CGGBP1: variants seen among roughly 807,000 people sequenced by gnomAD.
CGGBP1 encodes CGG triplet repeat-binding protein 1.
A neutral mutation model predicts 11.4 loss-of-function variants in CGGBP1; 4 were observed. That is an observed-to-expected ratio of 0.35 (90% confidence interval 0.17 to 0.80). The LOEUF (loss-of-function observed/expected upper bound fraction) is 0.80. Ranked by LOEUF, CGGBP1 falls within the 30% of genes least tolerant of loss-of-function variation. The pLI is 0.52. For missense variants in CGGBP1, 135 were observed against 202.1 expected (o/e 0.67, Z 2.01); for synonymous variants, 76 against 74.1 (o/e 1.03, Z -0.13).
At chr3:88,088,922 G>A (rs1434447247) in intron 2 of CGGBP1, among the ~76,000 whole-genome samples, 3 of 151,428 alleles carry the variant, frequency 2.0e-5, no homozygotes, top group Admixed American at 6.6e-5. Flanking sequence ...ACAGGCACCC[G>A]CCACCATGCC....
At position 88,055,439 on chromosome 3, in the gene CGGBP1, A is replaced by G. The variant is rs1450022035; in HGVS notation, c.*34T>C. 1 of 1,490,876 alleles carries G rather than the reference A, an allele frequency of 6.7e-7. No individual in the cohort carries two copies. The highest frequency in any genetic ancestry group is 1.4e-5 in the African/African-American group (1 of 71,234). The allele number at this position is 1,490,876 out of a possible 1,614,324, so 92.4% of individuals were successfully genotyped here. ...TCAACACATAACTTTAATACTCCAC[A>G]TTTATCTTGATCACAATGGTGGTAA... On this transcript the variant is annotated 3_prime_UTR_variant, in exon 4 of 4. Transcript: ENST00000482016. This position sits in a 1 kb window ranked among gnomAD's most constrained non-coding sequence, Gnocchi z 4.2.
At chr3:88,134,962 A>G (rs1474889343) in intron 2 of CGGBP1, 5 of 822,614 alleles carry the variant, frequency 6.1e-6, no homozygotes, top group Admixed American at 4.1e-5. Flanking sequence ...ACACTCATAT[A>G]CATCCCAGCC....
chr3:88,148,391 C>A (rs1440481898), intron 1 of CGGBP1, among the ~76,000 whole-genome samples: 1 of 152,146 alleles, frequency 6.6e-6, no homozygotes, highest in African/African-American at 2.4e-5. Context: ...TGGTCCCATA[C>A]CAACATATTT....
chr3:88,121,299 A>T (rs1367307143), intron 2 of CGGBP1, among the ~76,000 whole-genome samples: 1 of 152,176 alleles, frequency 6.6e-6, no homozygotes, highest in Non-Finnish European at 1.5e-5. Flanking sequence ...AAAATGTTCC[A>T]GTTGAAAATT....
At chr3:88,059,630 G>A (rs1369515722), upstream of CGGBP1, 5 of 1,357,472 alleles carry the variant, frequency 3.7e-6, no homozygotes, top group Non-Finnish European at 4.8e-6. Flanking sequence ...AGGAGGGTGA[G>A]GCTGAAGCTC....
At chr3:88,066,887 C>T (rs1707232566) in intron 2 of CGGBP1, among the ~76,000 whole-genome samples, 1 of 152,124 alleles carries the variant, frequency 6.6e-6, no homozygotes, top group Non-Finnish European at 1.5e-5. Context: ...TTAAATCTGG[C>T]CCATTGAATG....
At chr3:88,083,099 T>G (rs561372617) in intron 2 of CGGBP1, among the ~76,000 whole-genome samples, 1 of 147,826 alleles carries the variant, frequency 6.8e-6, no homozygotes, top group African/African-American at 2.5e-5. Flanking sequence ...TCACCACCAA[T>G]CCTACTGGAA....
In CGGBP1 at chr3:88,088,103, A is replaced by G. The variant is rs146065682; in HGVS notation, c.-228-29880T>C. ...CCTATACTACTTTTTTATTTCCTCT[A>G]TATAAATTAAATAACCTTGGAGCAA... On this transcript the variant is annotated intron_variant, in intron 2 of 3. Transcript: ENST00000462901. 3.7e-3 allele frequency among the ~76,000 whole-genome samples: 566 copies of G among 152,332 alleles called. 6 individuals are homozygous for G. The highest frequency in any genetic ancestry group is 0.013 in the African/African-American group (535 of 41,574).
At chr3:88,096,741 A>T (rs1576266210) in intron 2 of CGGBP1, among the ~76,000 whole-genome samples, 1 of 152,164 alleles carries the variant, frequency 6.6e-6, no homozygotes, top group Middle Eastern at 3.4e-3. Flanking sequence ...ATACATGTTC[A>T]TGGTTCAAAA....
At chr3:88,116,413 G>C (rs372156456) in intron 2 of CGGBP1, among the ~76,000 whole-genome samples, 4 of 151,798 alleles carry the variant, frequency 2.6e-5, no homozygotes, top group African/African-American at 9.7e-5. Context: ...CCAGCTACTT[G>C]GGAGGCTGAG....
intron 2 of CGGBP1, among the ~76,000 whole-genome samples, chr3:88,116,526 A>G (rs1221194256): frequency 1.4e-5 from 2 of 145,526 alleles, no homozygotes; most frequent in South Asian, 2.3e-4. Context: ...CTCTGTCTCA[A>G]AAGAAAAAAA....
chr3:88,059,580 A>G (rs1706721863), upstream of CGGBP1: 7 of 1,441,104 alleles, frequency 4.9e-6, no homozygotes, highest in Non-Finnish European at 6.3e-6. Context: ...CTTCTCGTCC[A>G]TGAATCTGGT....
chr3:88,101,077 TC>T (rs1704393539), intron 2 of CGGBP1, among the ~76,000 whole-genome samples: 1 of 152,194 alleles, frequency 6.6e-6, no homozygotes, highest in Non-Finnish European at 1.5e-5. Context: ...CAGCTGTATT[TC>T]CCCACTCCTT....
chr3:88,105,102 G>A (rs1704656491), intron 2 of CGGBP1, among the ~76,000 whole-genome samples: 1 of 152,200 alleles, frequency 6.6e-6, no homozygotes, highest in Admixed American at 6.5e-5. Context: ...TTGCACCACT[G>A]CACTCCAGCC....
At chr3:88,068,419 A>G (rs1287077637) in intron 2 of CGGBP1, among the ~76,000 whole-genome samples, 1 of 152,120 alleles carries the variant, frequency 6.6e-6, no homozygotes, top group Non-Finnish European at 1.5e-5. Flanking sequence ...CAGGTGCACA[A>G]AATTGTTCTG....
intron 3 of CGGBP1, 73 bp from the exon 4 acceptor site, chr3:88,056,072 C>T (rs1360152971): frequency 8.5e-7 from 1 of 1,176,376 alleles, no homozygotes; most frequent in Non-Finnish European, 1.2e-6. Context: ...CAATAAAAGG[C>T]AGTATATAAA....
chr3:88,117,173 TA>T, intron 2 of CGGBP1, among the ~76,000 whole-genome samples: 1 of 152,188 alleles, frequency 6.6e-6, no homozygotes. Context: ...TTAACTCCAG[TA>T]AAAACCAAAT....
In CGGBP1 at chr3:88,054,416, C is replaced by T. The variant is rs1303520994; in HGVS notation, c.*1057G>A. The T allele has an allele frequency of 1.3e-5, 2 of 152,096 alleles. No individual in the cohort carries two copies. The highest frequency in any genetic ancestry group is 1.3e-4 in the Admixed American group (2 of 15,266). The allele number at this position is 152,096 out of a possible 1,614,324, so 9.4% of individuals were successfully genotyped here. On this transcript the variant is annotated 3_prime_UTR_variant, in exon 4 of 4. Coordinates refer to ENST00000482016, the MANE Select transcript of CGGBP1 (RefSeq NM_001008390.2). ...GCAGGATACTGCCAGATCTCCAATA[C>T]AAAAAACCTGCCAGAATTTCTAGAC...
At chr3:88,141,323 T>C (rs1226443832) in intron 1 of CGGBP1, among the ~76,000 whole-genome samples, 1 of 110,096 alleles carries the variant, frequency 9.1e-6, no homozygotes, top group African/African-American at 3.0e-5. Flanking sequence ...AGGTTTTTCA[T>C]ATTCTTTGAT....
Sources: allele counts gnomAD v4.1 joint callset (sites outside exome capture counted in the v4.1 genomes callset), GRCh38; gene constraint gnomAD v4.1.1; non-coding constraint Gnocchi (gnomAD v3.1); transcripts MANE v1.5; gene names NCBI Gene and HGNC (gene_info 2026-07-23, HGNC 2026-07-21).